DNAJB5: variants seen among roughly 807,000 people sequenced by gnomAD.
DNAJB5 encodes the protein DnaJ heat shock protein family (Hsp40) member B5.
Under a neutral mutation model 32.6 loss-of-function variants are expected in DNAJB5, and 12 were observed. The observed-to-expected ratio is 0.37, with a 90% CI of 0.24 to 0.60. The LOEUF is 0.60. Ranked by LOEUF, DNAJB5 falls within the 20% of genes least tolerant of loss-of-function variation. The pLI is 0.71. For missense variants in DNAJB5, 358 were observed against 554.2 expected (o/e 0.65, Z 3.55); for synonymous variants, 188 against 212.9 (o/e 0.88, Z 1.02).
At position 34,990,483 on chromosome 9, in the gene DNAJB5, C is replaced by A. The variant is rs1211383963; in HGVS notation, c.-132-16C>A. 1 of 1,536,674 alleles carries A rather than the reference C, an allele frequency of 6.5e-7. No individual in the cohort carries two copies. The highest frequency in any genetic ancestry group is 8.7e-7 in the Non-Finnish European group (1 of 1,146,520). On this transcript the variant is annotated splice_polypyrimidine_tract_variant and intron_variant, in intron 1 of 4. Coordinates refer to ENST00000682809, the MANE Select transcript of DNAJB5 (RefSeq NM_001349723.3). This position sits in a 1 kb window ranked among gnomAD's most constrained non-coding sequence, Gnocchi z 4.5. ...CCGCGGGTCTTCTCCCTTCACTCTC[C>A]ACATTTGGGGATCAGGTCCGGCACC...
chr9:34,991,365 T>G (rs1195637123), intron 2 of DNAJB5: 1 of 456,090 alleles, frequency 2.2e-6, no homozygotes, highest in African/African-American at 2.0e-5. Flanking sequence ...CTGAAAGAGC[T>G]TGCCCTGTGT....
At chr9:34,992,695 C>A in intron 2 of DNAJB5, 1 of 772,822 alleles carries the variant, frequency 1.3e-6, no homozygotes, top group Non-Finnish European at 1.6e-6. Flanking sequence ...GTCTGGCTGG[C>A]CAGGACAGCT....
rs1221385094 is a variant in DNAJB5, at chr9:34,998,363, A to G, written c.*1104A>G. The G allele has an allele frequency of 6.6e-6, 1 of 152,572 alleles. No individual in the cohort carries two copies. The highest frequency in any genetic ancestry group is 1.5e-5 in the Non-Finnish European group (1 of 68,020). The allele number at this position is 152,572 out of a possible 1,614,324, so 9.5% of individuals were successfully genotyped here. A position where few individuals can be genotyped will look rare whatever the true frequency, so the allele number is the denominator to read the frequency against. Reference sequence around the variant, plus strand: ...ACTTTGACAACCCCCGAATGTTTTTATAGTAGTTTTTTTGTATTTTTTTGT... The same window carrying G: ...ACTTTGACAACCCCCGAATGTTTTTGTAGTAGTTTTTTTGTATTTTTTTGT... On this transcript the variant is annotated 3_prime_UTR_variant, in exon 5 of 5. Coordinates refer to ENST00000682809, the MANE Select transcript of DNAJB5 (RefSeq NM_001349723.3).
At chr9:34,992,451 A>G (rs567551091) in intron 2 of DNAJB5, 4 of 152,330 alleles carry the variant, frequency 2.6e-5, no homozygotes, top group Admixed American at 2.6e-4. Context: ...CAGCCCTCAC[A>G]GTTTTGTGTG....
At chr9:34,991,311 A>G (rs745544276) in intron 2 of DNAJB5, 4 of 456,408 alleles carry the variant, frequency 8.8e-6, no homozygotes, top group South Asian at 6.2e-5. Flanking sequence ...GTAGGGGGGA[A>G]GGGAAGGAGG....
chr9:34,990,684 G>A lies in DNAJB5; in HGVS notation c.54G>A (p.Gln18=), dbSNP rs1240685049. The A allele has an allele frequency of 6.4e-7, 1 of 1,551,736 alleles. No homozygotes were observed. Among genetic ancestry groups the A allele is most frequent in the Admixed American group, 2.0e-5 (1 of 51,012 alleles). The stretch of plus-strand genomic sequence containing the variant: ...CACCCCCAGCAGCACCCCCACTGCA[G>A]GCCCGAGGAGCTTTCCGGAGCTTCC... ...SCPPPAAPPL[Q]ARGAFRSFPH... is the part of the protein sequence containing the mutation. Residue 18 remains glutamine, a synonymous_variant, in exon 2 of 5, where the codon CAG becomes CAA. Transcript: ENST00000682809. This position sits in a 1 kb window ranked among gnomAD's most constrained non-coding sequence, Gnocchi z 4.5.
At chr9:34,992,732 T>A in intron 2 of DNAJB5, 1 of 963,642 alleles carries the variant, frequency 1.0e-6, no homozygotes, top group Non-Finnish European at 1.2e-6. Context: ...CTGTTCCCGG[T>A]CCTGGGCCAC....
Position 34,997,346 on chromosome 9 carries a change from G to T in DNAJB5, c.*87G>T. Reference sequence around the variant, plus strand: ...TGTGCACCCAGCTTGATGTCCACTGGACACTGGCAACTTTTTCTAAAATGC... The same window carrying T: ...TGTGCACCCAGCTTGATGTCCACTGTACACTGGCAACTTTTTCTAAAATGC... On this transcript the variant is annotated 3_prime_UTR_variant, in exon 5 of 5. Transcript: ENST00000682809. This position sits in a 1 kb window ranked among gnomAD's most constrained non-coding sequence, Gnocchi z 4.1. The T allele has an allele frequency of 7.3e-7, 1 of 1,377,726 alleles. No individual in the cohort carries two copies. Among genetic ancestry groups the T allele is most frequent in the Non-Finnish European group, 1.0e-6 (1 of 968,868 alleles). 85.3% of individuals were successfully genotyped at this position (1,377,726 alleles called of 1,614,324 possible). A position where few individuals can be genotyped will look rare whatever the true frequency, so the allele number is the denominator to read the frequency against.
chr9:34,993,071 C>A lies in DNAJB5; in HGVS notation c.183-129C>A. 1 of 1,446,670 alleles carries A rather than the reference C, an allele frequency of 6.9e-7. No individual in the cohort carries two copies. Among genetic ancestry groups the A allele is most frequent in the Non-Finnish European group, 9.0e-7 (1 of 1,104,978 alleles). 89.6% of individuals were successfully genotyped at this position (1,446,670 alleles called of 1,614,324 possible). A position where few individuals can be genotyped will look rare whatever the true frequency, so the allele number is the denominator to read the frequency against. On this transcript the variant is annotated intron_variant, in intron 2 of 4. Coordinates refer to ENST00000682809, the MANE Select transcript of DNAJB5 (RefSeq NM_001349723.3). This position sits in a 1 kb window ranked among gnomAD's most constrained non-coding sequence, Gnocchi z 4.7. Reference sequence around the variant, plus strand: ...ACCTTTCATTTTACAGATGGGGGGACGCAGGCCCACAGAACAGGCATGACC... The same window carrying A: ...ACCTTTCATTTTACAGATGGGGGGAAGCAGGCCCACAGAACAGGCATGACC...
intron 3 of DNAJB5, among the ~76,000 whole-genome samples, chr9:34,995,025 CCT>C (rs923947259): frequency 1.3e-5 from 2 of 152,112 alleles, no homozygotes; most frequent in Non-Finnish European, 2.9e-5. Flanking sequence ...AGCCTCCCTC[CCT>C]CTCTCACTGA....
At position 34,989,820 on chromosome 9, in the gene DNAJB5, A is replaced by G; in HGVS notation, c.-144A>G. The stretch of plus-strand genomic sequence containing the variant: ...TCTCACGGACCACGGCGGCGCCCGC[A>G]GCTCCTCACCGGTGAGGGCGCCAAG... On this transcript the variant is annotated 5_prime_UTR_variant, in exon 1 of 5. Coordinates refer to ENST00000682809, the MANE Select transcript of DNAJB5 (RefSeq NM_001349723.3). 8.1e-7 allele frequency: 1 copy of G among 1,232,148 alleles called. No individual in the cohort carries two copies. The highest frequency in any genetic ancestry group is 1.0e-6 in the Non-Finnish European group (1 of 988,258). 76.3% of individuals were successfully genotyped at this position (1,232,148 alleles called of 1,614,324 possible). A position where few individuals can be genotyped will look rare whatever the true frequency, so the allele number is the denominator to read the frequency against.
chr9:34,990,424 C>G lies in DNAJB5; in HGVS notation c.-132-75C>G. On this transcript the variant is annotated intron_variant, in intron 1 of 4. Coordinates refer to ENST00000682809, the MANE Select transcript of DNAJB5 (RefSeq NM_001349723.3). The surrounding 1 kb of genome is among the most constrained non-coding windows in gnomAD (Gnocchi z 4.5). ...CACGCTGCCATACAGCCGCTCACAG[C>G]CAGCCAGACACTGCTGCACCTGAGA... The G allele has an allele frequency of 6.5e-7, 1 of 1,531,940 alleles. No homozygotes were observed. The highest frequency in any genetic ancestry group is 8.7e-7 in the Non-Finnish European group (1 of 1,144,682). The allele number at this position is 1,531,940 out of a possible 1,614,324, so 94.9% of individuals were successfully genotyped here.
In DNAJB5 at chr9:34,993,173, CAA is replaced by C. The variant is rs752116877; in HGVS notation, c.183-26_183-25del. On this transcript the variant is annotated intron_variant, in intron 2 of 4. Transcript: ENST00000682809. The surrounding 1 kb of genome is among the most constrained non-coding windows in gnomAD (Gnocchi z 4.7). ...AGGGCTGGGGCAGAAGAGAAGGCAT[CAA>C]GTCTTGGCCCTGGGTTTCTTTCAGA... The C allele has an allele frequency of 6.3e-7, 1 of 1,595,064 alleles. No individual in the cohort carries two copies. The highest frequency in any genetic ancestry group is 1.1e-5 in the South Asian group (1 of 88,800).
At chr9:34,989,902 G>A (rs1393086224) in intron 1 of DNAJB5, 71 bp downstream of exon 1, 1 of 1,242,222 alleles carries the variant, frequency 8.1e-7, no homozygotes, top group African/African-American at 1.6e-5. Flanking sequence ...CCTGGTGTTG[G>A]GGGGTTGGGA....
In DNAJB5 at chr9:34,993,495, G is replaced by T. The variant is rs752417832; in HGVS notation, c.427+51G>T. 1.3e-6 allele frequency: 2 copies of T among 1,569,664 alleles called. No homozygotes were observed. Among genetic ancestry groups the T allele is most frequent in the Admixed American group, 2.0e-5 (1 of 50,320 alleles). On this transcript the variant is annotated intron_variant, in intron 3 of 4. Coordinates refer to ENST00000682809, the MANE Select transcript of DNAJB5 (RefSeq NM_001349723.3). This position sits in a 1 kb window ranked among gnomAD's most constrained non-coding sequence, Gnocchi z 4.7. ...TCCCGGACCCCTCCGCTTGGTAGGG[G>T]TCCCAGGTGCACCAGTTTGTGTAGC...
intron 1 of DNAJB5, 144 bp downstream of exon 1, chr9:34,989,975 C>T (rs1827574268): frequency 9.8e-6 from 8 of 818,046 alleles, no homozygotes; most frequent in South Asian, 2.4e-5. Flanking sequence ...GCAGGGTGCT[C>T]GGAGTCCTAG....
rs2132984719 is a variant in DNAJB5 at position 34,996,632 on chromosome 9, A to G, written c.795A>G (p.Thr265=). Residue 265 remains threonine (T), a synonymous_variant, in exon 4 of 5, where the codon ACA becomes ACG. Transcript: ENST00000682809. The surrounding 1 kb of genome is among the most constrained non-coding windows in gnomAD (Gnocchi z 7.2). ...YHGSTKRMKI[T]RRRLNPDGRT... ...GCTCCACCAAGCGCATGAAGATCAC[A>G]AGGCGTCGCCTCAACCCTGATGGGC... 6.2e-7 allele frequency: 1 copy of G among 1,614,156 alleles called. No individual in the cohort carries two copies. Among genetic ancestry groups the G allele is most frequent in the Non-Finnish European group, 8.5e-7 (1 of 1,180,018 alleles).
chr9:34,990,476 C>T lies in DNAJB5; in HGVS notation c.-132-23C>T, dbSNP rs1215756244. 19 of 1,536,150 alleles carry T rather than the reference C, an allele frequency of 1.2e-5. No homozygotes were observed. Among genetic ancestry groups the T allele is most frequent in the Non-Finnish European group, 1.7e-5 (19 of 1,146,506 alleles). Reference sequence around the variant, plus strand: ...CAGGTGGCCGCGGGTCTTCTCCCTTCACTCTCCACATTTGGGGATCAGGTC... The same window carrying T: ...CAGGTGGCCGCGGGTCTTCTCCCTTTACTCTCCACATTTGGGGATCAGGTC... On this transcript the variant is annotated intron_variant, in intron 1 of 4. Transcript: ENST00000682809. The surrounding 1 kb of genome is among the most constrained non-coding windows in gnomAD (Gnocchi z 4.5).
In DNAJB5 at chr9:34,991,090, C is replaced by G. The variant is rs915121346; in HGVS notation, c.182+278C>G. The stretch of plus-strand genomic sequence containing the variant: ...AACCCATCATTAACCCATTTTCCAC[C>G]TCAGCCATTTCCATCTGTCACTCAT... On this transcript the variant is annotated intron_variant, in intron 2 of 4. Transcript: ENST00000682809. 15 of 501,854 alleles carry G rather than the reference C, an allele frequency of 3.0e-5. No individual in the cohort carries two copies. In the Middle Eastern group the frequency reaches 2.0e-3, roughly 67 times the overall value. 31.1% of individuals were successfully genotyped at this position (501,854 alleles called of 1,614,324 possible).
Sources: allele counts gnomAD v4.1 joint callset (sites outside exome capture counted in the v4.1 genomes callset), GRCh38; gene constraint gnomAD v4.1.1; non-coding constraint Gnocchi (gnomAD v3.1); transcripts MANE v1.5; gene names NCBI Gene and HGNC (gene_info 2026-07-23, HGNC 2026-07-21).